The following SRGAP3 variants were observed in gnomAD, a reference collection of about 807,000 sequenced individuals.
SRGAP3 encodes the protein SLIT-ROBO Rho GTPase-activating protein 3.
Under a neutral mutation model 121.1 loss-of-function variants are expected in SRGAP3, and 39 were observed. The ratio of observed to expected loss-of-function variants is 0.32; its 90% CI spans 0.25 to 0.42. The LOEUF (loss-of-function observed/expected upper bound fraction) is 0.42. Among genes scored for constraint, SRGAP3 ranks in the 10% least tolerant of loss-of-function variants. The pLI is 1.00. For synonymous variants in SRGAP3, 601 were observed against 570.0 expected, an observed-to-expected ratio of 1.05 and a Z score of -0.77; for missense variants, 1,213 against 1,470.6, an observed-to-expected ratio of 0.82 and a Z score of 2.86.
At chr3:9,104,120 A>G (rs188177209) in intron 3 of SRGAP3, among the ~76,000 whole-genome samples, 1 of 152,352 alleles carries the variant, frequency 6.6e-6, no homozygotes, top group East Asian at 1.9e-4. Flanking sequence ...ATCATTCAAA[A>G]TGTTATAGAA....
At chr3:9,024,112 A>T (rs1424891173) in intron 14 of SRGAP3, among the ~76,000 whole-genome samples, 1 of 152,206 alleles carries the variant, frequency 6.6e-6, no homozygotes, top group Non-Finnish European at 1.5e-5. Flanking sequence ...AGGTCTGCTC[A>T]GAGTACAGCC....
At chr3:9,004,400 G>C (rs934326040) in intron 18 of SRGAP3, among the ~76,000 whole-genome samples, 1 of 152,154 alleles carries the variant, frequency 6.6e-6, no homozygotes, top group Admixed American at 6.5e-5. Context: ...TAACTTCTTT[G>C]TAGAAATTGA....
At position 9,053,153 on chromosome 3, in the gene SRGAP3, G is replaced by A. The variant is rs369059791; in HGVS notation, c.1197C>T (p.Ser399=). 77 of 1,614,042 alleles carry A rather than the reference G, an allele frequency of 4.8e-5. No individual in the cohort carries two copies. Among genetic ancestry groups the A allele is most frequent in the East Asian group, 1.8e-4 (8 of 44,892 alleles). The change falls in exon 9 of 22, where the codon TCC becomes TCT. Residue 399 remains serine, a synonymous_variant. Transcript: ENST00000383836. ...DMLTVEDFDV[S]DAFQHSRSTE... is the part of the protein sequence containing the mutation. ...TCGATCGACTGTGTTGGAAGGCATC[G>A]GAGACATCAAAGTCCTCCACAGTCA... is the stretch of plus-strand genomic sequence containing the variant.
At chr3:9,175,286 G>T (rs942433387) in intron 1 of SRGAP3, among the ~76,000 whole-genome samples, 1 of 152,162 alleles carries the variant, frequency 6.6e-6, no homozygotes, top group Non-Finnish European at 1.5e-5. Flanking sequence ...CTTATACTTT[G>T]GTTTCTTATG....
chr3:9,084,265 G>A (rs540871073), intron 3 of SRGAP3, among the ~76,000 whole-genome samples: 3 of 152,262 alleles, frequency 2.0e-5, no homozygotes, highest in East Asian at 1.9e-4. Context: ...CATTCCTCCA[G>A]GAGAGTTCTT....
intron 3 of SRGAP3, among the ~76,000 whole-genome samples, chr3:9,320,130 G>A (rs1404567818): frequency 1.3e-5 from 2 of 151,924 alleles, no homozygotes; most frequent in Non-Finnish European, 2.9e-5. Flanking sequence ...TGGAGCTATG[G>A]AAAAAGAGGA....
intron 1 of SRGAP3, among the ~76,000 whole-genome samples, chr3:9,342,640 TAAGAA>T (rs1424204172): frequency 6.6e-6 from 1 of 152,174 alleles, no homozygotes; most frequent in Non-Finnish European, 1.5e-5. Flanking sequence ...GAAGAGGTAG[TAAGAA>T]AAGAAAACAC....
intron 3 of SRGAP3, among the ~76,000 whole-genome samples, chr3:9,325,356 T>C (rs562314835): frequency 6.6e-6 from 1 of 151,988 alleles, no homozygotes; most frequent in South Asian, 2.1e-4. Flanking sequence ...CTTGACTGAG[T>C]GGTCTTTTCA....
At chr3:9,196,554 A>G (rs1434603778) in intron 1 of SRGAP3, among the ~76,000 whole-genome samples, 1 of 152,196 alleles carries the variant, frequency 6.6e-6, no homozygotes, top group Non-Finnish European at 1.5e-5. Flanking sequence ...GACAAAATAT[A>G]CATAACAAAA....
chr3:9,151,237 A>G (rs1023210657), intron 1 of SRGAP3, among the ~76,000 whole-genome samples: 1 of 152,122 alleles, frequency 6.6e-6, no homozygotes, highest in African/African-American at 2.4e-5. Context: ...TGAGTCAAGG[A>G]CTGAGGAGAA....
In SRGAP3 at chr3:9,249,316, T is replaced by C. The variant is rs1953935922; in HGVS notation, c.-365A>G. The C allele has an allele frequency of 4.6e-6, 2 of 434,314 alleles. No homozygotes were observed. Among genetic ancestry groups the C allele is most frequent in the African/African-American group, 2.0e-5 (1 of 50,752 alleles). 26.9% of individuals were successfully genotyped at this position (434,314 alleles called of 1,614,324 possible). A position where few individuals can be genotyped will look rare whatever the true frequency, so the allele number is the denominator to read the frequency against. On this transcript the variant is annotated 5_prime_UTR_variant, in exon 1 of 22. An upstream start codon of the reference 5' UTR is lost. Transcript: ENST00000383836. The stretch of plus-strand genomic sequence containing the variant: ...ATGCACACGTACACACACTCACGCA[T>C]GCACAGGCACACTCACCGGGACACG...
chr3:9,273,349 G>C (rs1346535443), intron 3 of SRGAP3, among the ~76,000 whole-genome samples: 1 of 152,156 alleles, frequency 6.6e-6, no homozygotes, highest in Non-Finnish European at 1.5e-5. Context: ...ATTAATTTGT[G>C]ATGTTGAGCA....
rs1559852202 is a variant in SRGAP3, at chr3:8,990,698, G to A, written c.2700C>T (p.Pro900=). 6.2e-7 allele frequency: 1 copy of A among 1,613,252 alleles called. No individual in the cohort carries two copies. Among genetic ancestry groups the A allele is most frequent in the South Asian group, 1.1e-5 (1 of 90,970 alleles). Reference sequence around the variant, plus strand: ...GGCTCTCGATCCTCCCCCGGGTGAGGGGGATTTTGTGGGGGCTGCTGGGGC... The same window carrying A: ...GGCTCTCGATCCTCCCCCGGGTGAGAGGGATTTTGTGGGGGCTGCTGGGGC... ...AACPSSPHKI[P]LTRGRIESPE... The change falls in exon 21 of 22, where the codon CCC becomes CCT. Residue 900 remains proline (P), a synonymous_variant. Transcript: ENST00000383836.
intron 1 of SRGAP3, among the ~76,000 whole-genome samples, chr3:9,361,816 T>C (rs2030860795): frequency 6.6e-6 from 1 of 151,948 alleles, no homozygotes; most frequent in African/African-American, 2.4e-5. Flanking sequence ...ATCCAGGGAG[T>C]GGTTCTGGCC....
At chr3:9,015,861 T>A in intron 14 of SRGAP3, 130 bp from the exon 15 acceptor site, 1 of 1,013,044 alleles carries the variant, frequency 9.9e-7, no homozygotes. Context: ...CTCCCCCACA[T>A]ATGAGGCCCC....
chr3:9,115,790 T>C (rs1948783653), intron 2 of SRGAP3, among the ~76,000 whole-genome samples: 1 of 152,222 alleles, frequency 6.6e-6, no homozygotes, highest in Admixed American at 6.5e-5. Context: ...TCCCTGTTGA[T>C]GTCTTTTTTT....
At chr3:9,297,693 C>G (rs1354732197) in intron 3 of SRGAP3, among the ~76,000 whole-genome samples, 5 of 151,942 alleles carry the variant, frequency 3.3e-5, no homozygotes, top group African/African-American at 9.7e-5. Context: ...GTCAGGAGTT[C>G]GAGACCAGCC....
At chr3:9,005,894 C>T (rs1271786230) in intron 18 of SRGAP3, among the ~76,000 whole-genome samples, 1 of 152,152 alleles carries the variant, frequency 6.6e-6, no homozygotes, top group Non-Finnish European at 1.5e-5. Context: ...AAAAAAATCA[C>T]TCAGCTGAAC....
intron 4 of SRGAP3, among the ~76,000 whole-genome samples, chr3:9,065,850 T>G (rs1007920512): frequency 6.6e-6 from 1 of 152,198 alleles, no homozygotes; most frequent in Admixed American, 6.5e-5. Flanking sequence ...CTTAGGTAAA[T>G]ACCCAGGCGT....
Sources: allele counts gnomAD v4.1 joint callset (sites outside exome capture counted in the v4.1 genomes callset), GRCh38; gene constraint gnomAD v4.1.1; transcripts MANE v1.5; gene names NCBI Gene and HGNC (gene_info 2026-07-23, HGNC 2026-07-21).